The following PYGM variants were observed in gnomAD, a reference collection of about 807,000 sequenced individuals.
The protein encoded by PYGM is glycogen phosphorylase, muscle associated.
Under a neutral mutation model 99.3 loss-of-function variants are expected in PYGM, and 81 were observed. The ratio of observed to expected loss-of-function variants is 0.82; its 90% CI spans 0.68 to 0.98. The LOEUF is 0.98. Among genes scored for constraint, PYGM ranks in the 50% least tolerant of loss-of-function variants. PYGM has a pLI of 0.00. For synonymous variants in PYGM, 436 were observed against 451.5 expected (o/e 0.97, Z 0.44); for missense variants, 1,030 against 1,158.1 (o/e 0.89, Z 1.61).
rs1455122368 is a variant in PYGM, at chr11:64,754,401, A to G, written c.1000-56T>C. ...CCAAACCACATTCCATGCTATGGTCACTGCCCTATGCCATTTGGAGGCCCC... is the reference window on the plus strand; with the variant it reads ...CCAAACCACATTCCATGCTATGGTCGCTGCCCTATGCCATTTGGAGGCCCC... On this transcript the variant is annotated intron_variant, in intron 8 of 19. Coordinates refer to ENST00000164139, the MANE Select transcript of PYGM (RefSeq NM_005609.4). The surrounding 1 kb of genome is among the most constrained non-coding windows in gnomAD (Gnocchi z 5.5). 3 of 1,442,888 alleles carry G rather than the reference A, an allele frequency of 2.1e-6. No individual in the cohort carries two copies. The highest frequency in any genetic ancestry group is 2.9e-6 in the Non-Finnish European group (3 of 1,027,328). The allele number at this position is 1,442,888 out of a possible 1,614,324, so 89.4% of individuals were successfully genotyped here.
chr11:64,758,180 TG>T (rs1234369386), intron 4 of PYGM, 65 bp downstream of exon 4: 2 of 1,526,042 alleles, frequency 1.3e-6, no homozygotes, highest in Non-Finnish European at 1.8e-6. Flanking sequence ...TTGCCAGAGA[TG>T]ATAAACAAGT....
intron 12 of PYGM, among the ~76,000 whole-genome samples, 184 bp downstream of exon 12, chr11:64,752,889 C>A (rs2058366269): frequency 6.6e-6 from 1 of 152,210 alleles, no homozygotes; most frequent in Non-Finnish European, 1.5e-5. Flanking sequence ...GCACACAGAG[C>A]ACCCTCATGC....
At chr11:64,752,705 T>C (rs2058365297) in intron 12 of PYGM, among the ~76,000 whole-genome samples, 1 of 152,216 alleles carries the variant, frequency 6.6e-6, no homozygotes, top group Admixed American at 6.5e-5. Flanking sequence ...TGAGCTCTGA[T>C]GGCTGACCCC....
Position 64,758,315 on chromosome 11 carries a change from C to G in PYGM, c.459G>C (p.Leu153=), listed in dbSNP as rs775811645. The G allele has an allele frequency of 1.2e-6, 2 of 1,614,160 alleles. No individual in the cohort carries two copies. Among genetic ancestry groups the G allele is most frequent in the Non-Finnish European group, 1.7e-6 (2 of 1,180,030 alleles). The change falls in exon 4 of 20, where the codon CTG becomes CTC. Residue 153 remains leucine, a synonymous_variant. Transcript: ENST00000164139. ...AGCGAATCCCGTAGCCATAGGCGGC[C>G]AGGCCCAGTGTTGCCATGGAGTCAA... The part of the protein sequence containing the change: ...CFLDSMATLG[L]AAYGYGIRYE...
rs1247168884 is a variant in PYGM, at chr11:64,758,444, C to A, written c.417G>T (p.Arg139=). 8.1e-6 allele frequency: 13 copies of A among 1,613,754 alleles called. No individual in the cohort carries two copies. In the South Asian group the frequency reaches 1.3e-4, roughly 16 times the overall value. Reference sequence around the variant, plus strand: ...ACGGCCCTGTCTTCTTACCTGCCAGCCGGCCCAGGCCCCCGTTGCCCAGCC... The same window carrying A: ...ACGGCCCTGTCTTCTTACCTGCCAGACGGCCCAGGCCCCCGTTGCCCAGCC... ...DAGLGNGGLG[R]LAACFLDSMA... The change falls in exon 3 of 20, where the codon CGG becomes CGT. Residue 139 remains arginine (R), a synonymous_variant. Coordinates refer to ENST00000164139, the MANE Select transcript of PYGM (RefSeq NM_005609.4).
chr11:64,749,242 G>A (rs2058336001), intron 17 of PYGM, among the ~76,000 whole-genome samples: 1 of 152,092 alleles, frequency 6.6e-6, no homozygotes. Flanking sequence ...AGCTACTCAG[G>A]AGGCTGAGGC....
chr11:64,758,973 G>T (rs190774275), intron 1 of PYGM, among the ~76,000 whole-genome samples: 1 of 152,242 alleles, frequency 6.6e-6, no homozygotes, highest in East Asian at 1.9e-4. Context: ...CAGGGACTGA[G>T]GTACTCGGGA....
rs533626023 is a variant in PYGM at position 64,746,477 on chromosome 11, A to G, written c.*182T>C. ...ATAGGAGGGGACCGGGAGCCCGAGGACGGAAGGGGGCCCGTGTCCTTAGTC... is the reference window on the plus strand; with the variant it reads ...ATAGGAGGGGACCGGGAGCCCGAGGGCGGAAGGGGGCCCGTGTCCTTAGTC... On this transcript the variant is annotated 3_prime_UTR_variant, in exon 20 of 20. Transcript: ENST00000164139. 7 of 805,382 alleles carry G rather than the reference A, an allele frequency of 8.7e-6. No individual in the cohort carries two copies. In the East Asian group the frequency reaches 1.6e-4, roughly 18 times the overall value. The allele number at this position is 805,382 out of a possible 1,614,324, so 49.9% of individuals were successfully genotyped here. A position where few individuals can be genotyped will look rare whatever the true frequency, so the allele number is the denominator to read the frequency against.
chr11:64,757,398 A>AG (rs2058400666), intron 5 of PYGM, among the ~76,000 whole-genome samples: 2 of 152,152 alleles, frequency 1.3e-5, no homozygotes, highest in South Asian at 4.1e-4. Context: ...CTGTGTGATG[A>AG]GTGAATTCCT....
Position 64,754,395 on chromosome 11 carries a change from A to G in PYGM, c.1000-50T>C. On this transcript the variant is annotated intron_variant, in intron 8 of 19. Coordinates refer to ENST00000164139, the MANE Select transcript of PYGM (RefSeq NM_005609.4). This position sits in a 1 kb window ranked among gnomAD's most constrained non-coding sequence, Gnocchi z 5.5. ...TGGGCTCCAAACCACATTCCATGCTATGGTCACTGCCCTATGCCATTTGGA... is the reference window on the plus strand; with the variant it reads ...TGGGCTCCAAACCACATTCCATGCTGTGGTCACTGCCCTATGCCATTTGGA... 2 of 1,456,642 alleles carry G rather than the reference A, an allele frequency of 1.4e-6. No individual in the cohort carries two copies. Among genetic ancestry groups the G allele is most frequent in the Non-Finnish European group, 1.9e-6 (2 of 1,039,824 alleles). 90.2% of individuals were successfully genotyped at this position (1,456,642 alleles called of 1,614,324 possible).
chr11:64,748,719 G>A (rs985550249), intron 17 of PYGM: 2 of 152,126 alleles, frequency 1.3e-5, no homozygotes, highest in Admixed American at 6.5e-5. Context: ...TATTTTTGAA[G>A]ACTAATAACA....
chr11:64,753,992 T>C lies in PYGM; in HGVS notation c.1126A>G (p.Thr376Ala), dbSNP rs1592411804. The C allele has an allele frequency of 6.2e-7, 1 of 1,606,812 alleles. No homozygotes were observed. The highest frequency in any genetic ancestry group is 8.5e-7 in the Non-Finnish European group (1 of 1,176,612). Reference protein sequence around the residue: ...WDVTVRTCAYTNHTVLPEALE... With the variant: ...WDVTVRTCAYANHTVLPEALE... ...GCCTCGGGCAGCACCGTGTGGTTGGTGTAGGCACAGGTCCTCACTGTCACA... is the reference window on the plus strand; with the variant it reads ...GCCTCGGGCAGCACCGTGTGGTTGGCGTAGGCACAGGTCCTCACTGTCACA... The change falls in exon 10 of 20, where the codon ACC becomes GCC. Residue 376 changes from threonine to alanine, a missense_variant. By Grantham distance (58) the Thr-to-Ala change is moderately conservative. Transcript: ENST00000164139.
chr11:64,751,749 C>T (rs1040601663), intron 14 of PYGM, 94 bp from the exon 15 acceptor site: 4 of 1,543,016 alleles, frequency 2.6e-6, no homozygotes, highest in South Asian at 1.1e-5. Context: ...AGGCCTGACT[C>T]GAACAATCAC....
rs1350959154 is a variant in PYGM, at chr11:64,754,707, C to T, written c.985G>A (p.Ala329Thr). The T allele has an allele frequency of 6.2e-7, 1 of 1,613,666 alleles. No individual in the cohort carries two copies. Among genetic ancestry groups the T allele is most frequent in the East Asian group, 2.2e-5 (1 of 44,882 alleles). Reference sequence around the variant, plus strand: ...ACGCATGGTACCTTATCTGGGAAGGCATCGAAGTTCGTGCGCACGGGATCA... The same window carrying T: ...ACGCATGGTACCTTATCTGGGAAGGTATCGAAGTTCGTGCGCACGGGATCA... ...CRDPVRTNFD[A>T]FPDKVAIQLN... is the part of the protein sequence containing the mutation. Residue 329 changes from alanine (A) to threonine (T), a missense_variant, in exon 8 of 20, where the codon GCC becomes ACC. Transcript: ENST00000164139. This position sits in a 1 kb window ranked among gnomAD's most constrained non-coding sequence, Gnocchi z 5.5.
intron 15 of PYGM, 65 bp downstream of exon 15, chr11:64,751,532 C>T (rs2058356246): frequency 6.2e-7 from 1 of 1,614,152 alleles, no homozygotes; most frequent in Admixed American, 1.7e-5. Flanking sequence ...TGCAACTCAG[C>T]TGGGCTGACC....
chr11:64,746,470 C>T lies in PYGM; in HGVS notation c.*189G>A. On this transcript the variant is annotated 3_prime_UTR_variant, in exon 20 of 20. Transcript: ENST00000164139. ...CCCATAAATAGGAGGGGACCGGGAG[C>T]CCGAGGACGGAAGGGGGCCCGTGTC... 2 of 751,026 alleles carry T rather than the reference C, an allele frequency of 2.7e-6. No homozygotes were observed. The highest frequency in any genetic ancestry group is 4.3e-6 in the Non-Finnish European group (2 of 461,502). 46.5% of individuals were successfully genotyped at this position (751,026 alleles called of 1,614,324 possible). A position where few individuals can be genotyped will look rare whatever the true frequency, so the allele number is the denominator to read the frequency against.
chr11:64,759,844 G>C lies in PYGM; in HGVS notation c.55C>G (p.Leu19Val), dbSNP rs535560622. ...TCAGTCACGTTCTCCACGCCGGCCA[G>C]GCCACGCACACTGATTTGCTTTCTT... is the stretch of plus-strand genomic sequence containing the variant. ...EKRKQISVRGLAGVENVTELK... is the reference protein window; with the variant it reads ...EKRKQISVRGVAGVENVTELK... The change falls in exon 1 of 20, where the codon CTG (leucine) becomes GTG (valine). Residue 19 changes from leucine (L) to valine (V), a missense_variant. Leu to Val is a conservative substitution (Grantham distance 32). Transcript: ENST00000164139. 6.2e-7 allele frequency: 1 copy of C among 1,614,244 alleles called. No individual in the cohort carries two copies. The highest frequency in any genetic ancestry group is 1.7e-5 in the Admixed American group (1 of 60,032).
At chr11:64,756,255 C>T (rs901346211) in intron 5 of PYGM, among the ~76,000 whole-genome samples, 1 of 152,230 alleles carries the variant, frequency 6.6e-6, no homozygotes, top group Non-Finnish European at 1.5e-5. Flanking sequence ...GCCAGGTCTC[C>T]TGCCTTCCAG....
At position 64,755,475 on chromosome 11, in the gene PYGM, C is replaced by A; in HGVS notation, c.744G>T (p.Lys248Asn). The A allele has an allele frequency of 4.3e-6, 7 of 1,614,142 alleles. No individual in the cohort carries two copies. The highest frequency in any genetic ancestry group is 5.9e-6 in the Non-Finnish European group (7 of 1,180,014). ...CCTTGAGGTTGAAGTCATTGGGAGC[C>A]TTGGCAGACCAGAGGCGCATGGTGT... Reference protein sequence around the residue: ...VVNTMRLWSAKAPNDFNLKDF... With the variant: ...VVNTMRLWSANAPNDFNLKDF... The change falls in exon 6 of 20, where the codon AAG becomes AAT. Residue 248 changes from lysine to asparagine, a missense_variant. Transcript: ENST00000164139. This position sits in a 1 kb window ranked among gnomAD's most constrained non-coding sequence, Gnocchi z 4.1.
Sources: allele counts gnomAD v4.1 joint callset (sites outside exome capture counted in the v4.1 genomes callset), GRCh38; gene constraint gnomAD v4.1.1; non-coding constraint Gnocchi (gnomAD v3.1); transcripts MANE v1.5; gene names NCBI Gene and HGNC (gene_info 2026-07-23, HGNC 2026-07-21).